DSCAM: variants seen among roughly 807,000 people sequenced by gnomAD.
DSCAM encodes cell adhesion molecule DSCAM.
DSCAM carries 47 observed loss-of-function variants against 217.7 expected under a neutral mutation model. That is an observed-to-expected ratio of 0.22 (90% CI 0.17 to 0.28). The LOEUF (loss-of-function observed/expected upper bound fraction) is 0.28. DSCAM is among the 10% of genes least tolerant of loss of function. DSCAM has a pLI of 1.00. For missense variants in DSCAM, 2,080 were observed against 2,618.3 expected (o/e 0.79, Z 4.49); for synonymous variants, 1,056 against 1,015.3 (o/e 1.04, Z -0.76).
At chr21:40,419,516 C>T (rs2075403167) in intron 3 of DSCAM, among the ~76,000 whole-genome samples, 2 of 152,098 alleles carry the variant, frequency 1.3e-5, no homozygotes, top group South Asian at 4.1e-4. Flanking sequence ...ACAGAATATG[C>T]ACCTCTCTGA....
At chr21:40,286,023 C>T (rs896444949) in intron 10 of DSCAM, among the ~76,000 whole-genome samples, 3 of 152,028 alleles carry the variant, frequency 2.0e-5, no homozygotes, top group Non-Finnish European at 2.9e-5. Context: ...CTAAACAACA[C>T]AGAGCAAGAC....
intron 9 of DSCAM, among the ~76,000 whole-genome samples, chr21:40,307,678 C>A (rs1313127744): frequency 3.3e-5 from 5 of 152,084 alleles, no homozygotes; most frequent in Non-Finnish European, 7.4e-5. Context: ...GACTTGGGAC[C>A]AACCCAAATG....
intron 8 of DSCAM, among the ~76,000 whole-genome samples, chr21:40,318,844 G>A (rs556244684): frequency 2.0e-4 from 30 of 152,160 alleles, no homozygotes; most frequent in Admixed American, 3.9e-4. Context: ...CAAGCTCCCC[G>A]CGGGGTTCAA....
intron 1 of DSCAM, among the ~76,000 whole-genome samples, chr21:40,813,653 T>C (rs1486060834): frequency 6.6e-6 from 1 of 151,158 alleles, no homozygotes; most frequent in Non-Finnish European, 1.5e-5. Flanking sequence ...TTGTTTTTTT[T>C]TTTTTTTTGG....
chr21:40,152,352 T>G (rs988987212), intron 16 of DSCAM, among the ~76,000 whole-genome samples: 5 of 152,254 alleles, frequency 3.3e-5, no homozygotes, highest in African/African-American at 1.2e-4. Context: ...GAGAAGGTCA[T>G]GCCTGCTCCT....
chr21:40,380,189 A>C (rs995021448), intron 3 of DSCAM, among the ~76,000 whole-genome samples: 3 of 152,226 alleles, frequency 2.0e-5, no homozygotes, highest in Non-Finnish European at 4.4e-5. Context: ...CTGTATACCT[A>C]ATTACCCTAT....
At chr21:40,146,448 C>A (rs1216456907) in intron 16 of DSCAM, among the ~76,000 whole-genome samples, 1 of 152,112 alleles carries the variant, frequency 6.6e-6, no homozygotes, top group East Asian at 1.9e-4. Context: ...AAGAAGGTTT[C>A]GAGCTGATGA....
At chr21:40,459,736 A>AT (rs964974071) in intron 3 of DSCAM, among the ~76,000 whole-genome samples, 2 of 152,254 alleles carry the variant, frequency 1.3e-5, no homozygotes, top group African/African-American at 4.8e-5. Flanking sequence ...TATGAAAGAT[A>AT]TTTTTTTCTC....
chr21:40,116,352 C>T (rs548675530), intron 20 of DSCAM, among the ~76,000 whole-genome samples: 13 of 152,190 alleles, frequency 8.5e-5, no homozygotes, highest in African/African-American at 2.2e-4. Context: ...TAGAACTAGC[C>T]GTGAAATAAA....
intron 3 of DSCAM, among the ~76,000 whole-genome samples, chr21:40,621,568 T>G (rs1437128605): frequency 6.6e-6 from 1 of 151,676 alleles, no homozygotes; most frequent in Non-Finnish European, 1.5e-5. Context: ...CCCTCTGACT[T>G]CTGCTTGGGG....
chr21:40,215,357 G>A (rs929059551), intron 11 of DSCAM, among the ~76,000 whole-genome samples: 11 of 104,590 alleles, frequency 1.1e-4, no homozygotes, highest in Non-Finnish European at 2.1e-4. Flanking sequence ...AAACCTGTAC[G>A]TGTACCCTCT....
intron 3 of DSCAM, among the ~76,000 whole-genome samples, chr21:40,421,842 T>C (rs1400889761): frequency 6.6e-6 from 1 of 152,228 alleles, no homozygotes; most frequent in Non-Finnish European, 1.5e-5. Flanking sequence ...AGGACATTTC[T>C]TTTCCCAGGT....
At position 40,078,891 on chromosome 21, in the gene DSCAM, C is replaced by T. The variant is rs754031424; in HGVS notation, c.4507G>A (p.Gly1503Ser). 30 of 1,614,026 alleles carry T rather than the reference C, an allele frequency of 1.9e-5. No homozygotes were observed. Among genetic ancestry groups the T allele is most frequent in the East Asian group, 6.7e-5 (3 of 44,880 alleles). The change falls in exon 26 of 33, where the codon GGC becomes AGC. Residue 1503 changes from glycine to serine, a missense_variant. This residue lies in a region of DSCAM where 1,144 missense variants were observed against 1,421.1 expected (regional missense o/e 0.81). Transcript: ENST00000400454. ...AGTGTGAAGGAGGTGATGGGGCAGCCGCCATCATTCCAGCCAATGAGGTTC... is the reference window on the plus strand; with the variant it reads ...AGTGTGAAGGAGGTGATGGGGCAGCTGCCATCATTCCAGCCAATGAGGTTC... The part of the protein sequence containing the change: ...RLNLIGWNDG[G>S]CPITSFTLEY...
rs1331055529 is a variant in DSCAM at position 40,043,634 on chromosome 21, C to T, written c.5383+444G>A. Among the ~76,000 whole-genome samples, 5 of 152,182 alleles carry T rather than the reference C, an allele frequency of 3.3e-5. 1 individual carries two copies. Among genetic ancestry groups the T allele is most frequent in the African/African-American group, 9.6e-5 (4 of 41,454 alleles). On this transcript the variant is annotated intron_variant, in intron 31 of 32. Coordinates refer to ENST00000400454, the MANE Select transcript of DSCAM (RefSeq NM_001389.5). ...AACCAACCCCTGTTTAATTGTCAAA[C>T]GGATCAGCCTGTGTTCCCTATAGAG...
At chr21:40,726,549 G>GAAA (rs34709502) in intron 1 of DSCAM, among the ~76,000 whole-genome samples, 21 of 148,100 alleles carry the variant, frequency 1.4e-4, no homozygotes, top group African/African-American at 2.2e-4. Context: ...GCTTTAACAG[G>GAAA]AAAAAAAAAA....
In DSCAM at chr21:40,062,914, T is replaced by C. The variant is rs2837409; in HGVS notation, c.4889-15A>G. 411,890 of 1,592,768 alleles carry C rather than the reference T, an allele frequency of 0.26. 56,922 individuals are homozygous for C. Among genetic ancestry groups the C allele is most frequent in the East Asian group, 0.5 (21,945 of 43,620 alleles). On this transcript the variant is annotated splice_polypyrimidine_tract_variant and intron_variant, in intron 27 of 32. Coordinates refer to ENST00000400454, the MANE Select transcript of DSCAM (RefSeq NM_001389.5). ...ACTCTTTGCATCTGGGGAAAGAAAG[T>C]TAACATTAGTACATGGTAAATAACT... is the stretch of plus-strand genomic sequence containing the variant.
intron 20 of DSCAM, among the ~76,000 whole-genome samples, chr21:40,113,880 G>C (rs2089932588): frequency 6.6e-6 from 1 of 151,994 alleles, no homozygotes. Context: ...TCTTCAAGGA[G>C]AACTACAAAC....
At chr21:40,069,084 T>C (rs2089252117) in intron 27 of DSCAM, among the ~76,000 whole-genome samples, 1 of 127,110 alleles carries the variant, frequency 7.9e-6, no homozygotes, top group African/African-American at 3.4e-5. Flanking sequence ...AAACTCTGTC[T>C]CAGAAAAAAA....
chr21:40,534,737 T>C (rs548353599), intron 3 of DSCAM, among the ~76,000 whole-genome samples: 61 of 152,338 alleles, frequency 4.0e-4, no homozygotes, highest in African/African-American at 1.5e-3. Flanking sequence ...TAATCTATTA[T>C]GTTACTCAAT....
Sources: gnomAD v4.1 joint callset for allele counts (sites outside exome capture counted in the v4.1 genomes callset) on GRCh38, gnomAD v4.1.1 for gene constraint, gnomAD v4.1.1 regional missense constraint, MANE v1.5 for transcripts, NCBI Gene and HGNC (gene_info 2026-07-23, HGNC 2026-07-21) for gene names.